ERVW-1: variants seen among roughly 807,000 people sequenced by gnomAD.
ERVW-1 encodes endogenous retrovirus group W member 1, envelope.
In ERVW-1, 21 loss-of-function variants were observed where a neutral mutation model predicts 16.6. The observed-to-expected ratio is 1.26, with a 90% CI of 0.90 to 1.82. The LOEUF is 1.82. ERVW-1 is among the 40% of genes most tolerant of loss of function. ERVW-1 has a pLI of 0.00. For missense variants in ERVW-1, 412 were observed against 300.2 expected (o/e 1.37, Z -2.75); for synonymous variants, 161 against 109.8 (o/e 1.47, Z -2.92).
In ERVW-1 at chr7:92,474,145, C is replaced by A. The variant is rs142459589; in HGVS notation, c.-228+3237G>T. ...CTGAGGGTCATGACTAAAGCGGTGG[C>A]CTTTTTTTTAATCCCGTTTGTCCTG... On this transcript the variant is annotated intron_variant, in intron 1 of 1. Coordinates refer to ENST00000603053, the MANE Select transcript of ERVW-1 (RefSeq NM_001130925.2). Among the ~76,000 whole-genome samples the A allele has an allele frequency of 3.9e-3, 587 of 152,130 alleles. 2 individuals are homozygous for A. The highest frequency in any genetic ancestry group is 0.014 in the African/African-American group (574 of 41,478).
intron 1 of ERVW-1, chr7:92,473,314 A>T (rs571926406): frequency 2.3e-4 from 35 of 152,272 alleles, no homozygotes; most frequent in African/African-American, 8.4e-4. Flanking sequence ...GGAGTACTGC[A>T]GGGGTTACTG....
chr7:92,476,945 G>A (rs942429682), intron 1 of ERVW-1, among the ~76,000 whole-genome samples: 2 of 152,166 alleles, frequency 1.3e-5, no homozygotes, highest in African/African-American at 4.8e-5. Flanking sequence ...AGGAGGCAGG[G>A]ATCAGAGGAA....
Position 92,469,642 on chromosome 7 carries a change from G to A in ERVW-1, c.740C>T (p.Thr247Ile), listed in dbSNP as rs140602271. 4 of 764,540 alleles carry A rather than the reference G, an allele frequency of 5.2e-6. No individual in the cohort carries two copies. Among genetic ancestry groups the A allele is most frequent in the Non-Finnish European group, 9.6e-6 (4 of 417,890 alleles). The allele number at this position is 764,540 out of a possible 1,614,324, so 47.4% of individuals were successfully genotyped here. ...TACCCACCTGATGCATTGGGAGTTG[G>A]TTGTGTATGTAGTATTGCTAAATTT... ...CVKFSNTTYT[T>I]NSQCIRWVTP... The change falls in exon 2 of 2, where the codon ACC becomes ATC. Residue 247 changes from threonine to isoleucine, a missense_variant. Transcript: ENST00000603053.
chr7:92,476,643 CTG>C (rs1190461390), intron 1 of ERVW-1, among the ~76,000 whole-genome samples: 1 of 151,978 alleles, frequency 6.6e-6, no homozygotes, highest in Non-Finnish European at 1.5e-5. Context: ...GTCTCTCTCA[CTG>C]TCTCTCTCTC....
intron 1 of ERVW-1, chr7:92,470,940 T>C (rs910819167): frequency 6.0e-6 from 1 of 167,354 alleles, no homozygotes; most frequent in Non-Finnish European, 1.5e-5. Flanking sequence ...TTTGAGTGTT[T>C]CATTCATTTT....
Position 92,468,472 on chromosome 7 carries a change from G to C in ERVW-1, c.*293C>G, listed in dbSNP as rs183300344. ...CAAAGGGGGTTGCCGTTGCCGGCTC[G>C]AAGACTTGGGTTTATATCCCGATCA... On this transcript the variant is annotated 3_prime_UTR_variant, in exon 2 of 2. Coordinates refer to ENST00000603053, the MANE Select transcript of ERVW-1 (RefSeq NM_001130925.2). 1 of 234,238 alleles carries C rather than the reference G, an allele frequency of 4.3e-6. No individual in the cohort carries two copies. Among genetic ancestry groups the C allele is most frequent in the Non-Finnish European group, 8.2e-6 (1 of 121,734 alleles). The allele number at this position is 234,238 out of a possible 1,614,324, so 14.5% of individuals were successfully genotyped here.
In ERVW-1 at chr7:92,468,745, G is replaced by A. The variant is rs1266985410; in HGVS notation, c.*20C>T. 2.0e-5 allele frequency: 14 copies of A among 699,250 alleles called. No individual in the cohort carries two copies. In the East Asian group the frequency reaches 2.9e-4, roughly 15 times the overall value. The allele number at this position is 699,250 out of a possible 1,614,324, so 43.3% of individuals were successfully genotyped here. A position where few individuals can be genotyped will look rare whatever the true frequency, so the allele number is the denominator to read the frequency against. On this transcript the variant is annotated 3_prime_UTR_variant, in exon 2 of 2. Transcript: ENST00000603053. ...ACAGGAAAACCTAAGTGCTGTTGGG[G>A]AGGTTGGCCGACGACCGCTCTAACT...
At chr7:92,474,180 C>T (rs1334489336) in intron 1 of ERVW-1, among the ~76,000 whole-genome samples, 1 of 152,094 alleles carries the variant, frequency 6.6e-6, no homozygotes, top group African/African-American at 2.4e-5. Flanking sequence ...GTTCCGCCTG[C>T]TCCTCCTGAT....
At chr7:92,476,715 C>T (rs1312185291) in intron 1 of ERVW-1, among the ~76,000 whole-genome samples, 1 of 151,866 alleles carries the variant, frequency 6.6e-6, no homozygotes. Context: ...TCTCTTTTCC[C>T]TCAGCCATTT....
chr7:92,473,754 G>A (rs941389987), intron 1 of ERVW-1, among the ~76,000 whole-genome samples: 9 of 151,840 alleles, frequency 5.9e-5, no homozygotes, highest in Admixed American at 2.6e-4. Flanking sequence ...ACAGTTGTCC[G>A]GGACAGAAGA....
chr7:92,468,900 C>T lies in ERVW-1; in HGVS notation c.1482G>A (p.Lys494=). ...KLQMEPKMQS[K]TKIYRRPLDR... ...CCAGGGGTCTGCGGTAGATCTTAGT[C>T]TTGGACTGCATCTTGGGCTCCATTT... Residue 494 remains lysine (K), a synonymous_variant, in exon 2 of 2, where the codon AAG becomes AAA. Coordinates refer to ENST00000603053, the MANE Select transcript of ERVW-1 (RefSeq NM_001130925.2). 1.3e-6 allele frequency: 1 copy of T among 764,266 alleles called. No individual in the cohort carries two copies. Among genetic ancestry groups the T allele is most frequent in the African/African-American group, 1.7e-5 (1 of 59,140 alleles). The allele number at this position is 764,266 out of a possible 1,614,324, so 47.3% of individuals were successfully genotyped here. A position where few individuals can be genotyped will look rare whatever the true frequency, so the allele number is the denominator to read the frequency against.
In ERVW-1 at chr7:92,469,391, C is replaced by T. The variant is rs150632906; in HGVS notation, c.991G>A (p.Gly331Ser). The T allele has an allele frequency of 5.1e-5, 39 of 771,224 alleles. No homozygotes were observed. Among genetic ancestry groups the T allele is most frequent in the Non-Finnish European group, 8.6e-5 (36 of 417,570 alleles). The allele number at this position is 771,224 out of a possible 1,614,324, so 47.8% of individuals were successfully genotyped here. Residue 331 changes from glycine (G) to serine (S), a missense_variant, in exon 2 of 2, where the codon GGT becomes AGT. Transcript: ENST00000603053. ...LPFVIGAGVL[G>S]ALGTGIGGIT... The stretch of plus-strand genomic sequence containing the variant: ...CCGCCAATGCCAGTACCTAGTGCAC[C>T]TAGCACTCCTGCTCCTATAACAAAA...
Position 92,469,181 on chromosome 7 carries a change from C to T in ERVW-1, c.1201G>A (p.Gly401Arg). The change falls in exon 2 of 2, where the codon GGG becomes AGG. Residue 401 changes from glycine to arginine, a missense_variant. Coordinates refer to ENST00000603053, the MANE Select transcript of ERVW-1 (RefSeq NM_001130925.2). ...AERGGTCLFL[G>R]EECCYYVNQS... ...TTAACATAATAACAGCATTCTTCCC[C>T]TAAAAATAAACAGGTTCCCCCTCTT... 1.4e-6 allele frequency: 1 copy of T among 720,290 alleles called. No homozygotes were observed. The allele number at this position is 720,290 out of a possible 1,614,324, so 44.6% of individuals were successfully genotyped here.
intron 1 of ERVW-1, among the ~76,000 whole-genome samples, chr7:92,476,356 A>G (rs1790542768): frequency 6.6e-6 from 1 of 152,146 alleles, no homozygotes; most frequent in Non-Finnish European, 1.5e-5. Context: ...GACTGAATGC[A>G]TTTGGTCCAT....
rs766461631 is a variant in ERVW-1, at chr7:92,469,809, G to T, written c.573C>A (p.Pro191=). The change falls in exon 2 of 2, where the codon CCC becomes CCA. Residue 191 remains proline, a synonymous_variant. Transcript: ENST00000603053. ...TTGAAACATATGGCCTGAAGTTCAG[G>T]GGGAGGCATATCCAACAGTTAGTAG... ...QNPTNCWICL[P]LNFRPYVSIP... 2.6e-6 allele frequency: 2 copies of T among 768,078 alleles called. No individual in the cohort carries two copies. Among genetic ancestry groups the T allele is most frequent in the African/African-American group, 1.7e-5 (1 of 59,176 alleles). 47.6% of individuals were successfully genotyped at this position (768,078 alleles called of 1,614,324 possible). A position where few individuals can be genotyped will look rare whatever the true frequency, so the allele number is the denominator to read the frequency against.
chr7:92,469,498 G>A lies in ERVW-1; in HGVS notation c.884C>T (p.Pro295Leu). The change falls in exon 2 of 2, where the codon CCC (proline) becomes CTC (leucine). Residue 295 changes from proline to leucine, a missense_variant. Transcript: ENST00000603053. ...TTGTTCAGTGTAGATGGTCATAGGG[G>A]GCACTAAGAATGAGAGGAAGCACAT... ...ESMCFLSFLV[P>L]PMTIYTEQDL... is the part of the protein sequence containing the mutation. The A allele has an allele frequency of 1.3e-6, 1 of 769,174 alleles. No homozygotes were observed. The highest frequency in any genetic ancestry group is 1.4e-5 in the South Asian group (1 of 73,540). The allele number at this position is 769,174 out of a possible 1,614,324, so 47.6% of individuals were successfully genotyped here.
chr7:92,470,194 G>A lies in ERVW-1; in HGVS notation c.188C>T (p.Thr63Ile). 1.3e-6 allele frequency: 1 copy of A among 778,676 alleles called. No homozygotes were observed. Among genetic ancestry groups the A allele is most frequent in the Non-Finnish European group, 2.4e-6 (1 of 417,818 alleles). 48.2% of individuals were successfully genotyped at this position (778,676 alleles called of 1,614,324 possible). A position where few individuals can be genotyped will look rare whatever the true frequency, so the allele number is the denominator to read the frequency against. The change falls in exon 2 of 2, where the codon ACT becomes ATT. Residue 63 changes from threonine (T) to isoleucine (I), a missense_variant. Coordinates refer to ENST00000603053, the MANE Select transcript of ERVW-1 (RefSeq NM_001130925.2). Reference sequence around the variant, plus strand: ...GTTGCGGGGCATATGGGTGTGGGCAGTGAAGGTGGGGGTTCCCTTAGAAAG... The same window carrying A: ...GTTGCGGGGCATATGGGTGTGGGCAATGAAGGTGGGGGTTCCCTTAGAAAG... Reference protein sequence around the residue: ...RSLSKGTPTFTAHTHMPRNCY... With the variant: ...RSLSKGTPTFIAHTHMPRNCY...
At position 92,470,560 on chromosome 7, in the gene ERVW-1, G is replaced by A. The variant is rs1023372291; in HGVS notation, c.-179C>T. 9.3e-6 allele frequency: 5 copies of A among 535,074 alleles called. No homozygotes were observed. The highest frequency in any genetic ancestry group is 3.8e-5 in the African/African-American group (2 of 51,970). The allele number at this position is 535,074 out of a possible 1,614,324, so 33.1% of individuals were successfully genotyped here. On this transcript the variant is annotated 5_prime_UTR_variant, in exon 2 of 2. Transcript: ENST00000603053. ...AGACTCCACTCCAGCCACTTTAACC[G>A]CAGTTGGGGTAGATAAAATGACTGG...
At chr7:92,472,183 TAAGAGTTGCAC>T (rs1790375815) in intron 1 of ERVW-1, 1 of 152,216 alleles carries the variant, frequency 6.6e-6, no homozygotes, top group Non-Finnish European at 1.5e-5. Flanking sequence ...GTGGCTGGGT[TAAGAGTTGCAC>T]AAGTGCACAG....
Sources: allele counts gnomAD v4.1 joint callset (sites outside exome capture counted in the v4.1 genomes callset), GRCh38; gene constraint gnomAD v4.1.1; transcripts MANE v1.5; gene names NCBI Gene and HGNC (gene_info 2026-07-23, HGNC 2026-07-21).